Variants in TJP1 observed in about 807,000 individuals in gnomAD.
The protein encoded by TJP1 is tight junction protein 1.
TJP1 carries 43 observed loss-of-function variants against 194.2 expected under a neutral mutation model. The observed-to-expected ratio is 0.22, with a 90% CI of 0.17 to 0.29. The LOEUF is 0.29. TJP1 is among the 10% of genes least tolerant of loss of function. The pLI, the probability that TJP1 is intolerant of heterozygous loss-of-function variation, is 1.00. For synonymous variants in TJP1, 801 were observed against 779.0 expected (o/e 1.03, Z -0.47); for missense variants, 1,971 against 2,185.7 (o/e 0.90, Z 1.96).
intron 2 of TJP1, among the ~76,000 whole-genome samples, chr15:29,785,583 T>A (rs932795318): frequency 6.6e-6 from 1 of 152,230 alleles, no homozygotes; most frequent in Non-Finnish European, 1.5e-5. Context: ...CTATTGAATA[T>A]GCCCAATTAC....
At position 29,718,645 on chromosome 15, in the gene TJP1, T is replaced by G. The variant is rs2042727387; in HGVS notation, c.3497A>C (p.Asp1166Ala). Residue 1166 changes from aspartate (D) to alanine (A), a missense_variant, in exon 21 of 28, where the codon GAC (aspartate) becomes GCC (alanine). Coordinates refer to ENST00000614355, the MANE Select transcript of TJP1 (RefSeq NM_001330239.4). ...TTCCGGTCTGAGTCTACCATGTGTGTCATACCCAGGAGCTGGCTGCTCTTC... is the reference window on the plus strand; with the variant it reads ...TTCCGGTCTGAGTCTACCATGTGTGGCATACCCAGGAGCTGGCTGCTCTTC... ...RHEEQPAPGY[D>A]THGRLRPEAQ... The G allele has an allele frequency of 6.2e-7, 1 of 1,614,056 alleles. No homozygotes were observed. The highest frequency in any genetic ancestry group is 8.5e-7 in the Non-Finnish European group (1 of 1,180,040).
At chr15:29,862,842 G>A (rs1417548988) in intron 2 of TJP1, among the ~76,000 whole-genome samples, 3 of 151,100 alleles carry the variant, frequency 2.0e-5, no homozygotes, top group East Asian at 2.0e-4. Flanking sequence ...TAGAGACGGG[G>A]TTTCACCGTG....
At chr15:29,949,994 A>T (rs111207242) in intron 2 of TJP1, among the ~76,000 whole-genome samples, 23 of 33,172 alleles carry the variant, frequency 6.9e-4, no homozygotes, top group African/African-American at 8.2e-4. Flanking sequence ...CACCTCCACC[A>T]CCACCACCTC....
At chr15:29,760,827 C>T (rs1168824961) in intron 8 of TJP1, among the ~76,000 whole-genome samples, 1 of 152,184 alleles carries the variant, frequency 6.6e-6, no homozygotes, top group Non-Finnish European at 1.5e-5. Flanking sequence ...TGCGGATCAA[C>T]CGCTTTTGTA....
At chr15:29,703,668 G>A (rs1045656819) in intron 27 of TJP1, among the ~76,000 whole-genome samples, 3 of 151,640 alleles carry the variant, frequency 2.0e-5, no homozygotes, top group Non-Finnish European at 4.4e-5. Context: ...TTTTTGAGAC[G>A]GTCTCGCTCT....
In TJP1 at chr15:29,761,147, G is replaced by C. The variant is rs2045976655; in HGVS notation, c.1002C>G (p.Ser334Arg). The C allele has an allele frequency of 6.3e-7, 1 of 1,596,470 alleles. No individual in the cohort carries two copies. The highest frequency in any genetic ancestry group is 8.5e-7 in the Non-Finnish European group (1 of 1,171,312). Residue 334 changes from serine to arginine, a missense_variant, in exon 8 of 28, where the codon AGC becomes AGG. This residue lies in a region of TJP1 where 192 missense variants were observed against 182.3 expected (regional missense o/e 1.05). Transcript: ENST00000614355. Reference protein sequence around the residue: ...DHSRHSPQQPSNGSLRSRDEE... With the variant: ...DHSRHSPQQPRNGSLRSRDEE... ...AAAATAGGGTGTCTTACCTGCCATT[G>C]CTTGGCTGCTGCGGCGAGTGCCTGG...
intron 11 of TJP1, 145 bp from the exon 12 acceptor site, chr15:29,734,527 AG>A (rs2043896459): frequency 1.7e-6 from 1 of 580,474 alleles, no homozygotes. Context: ...TCTGTCGCCC[AG>A]GCTGGAGTGC....
intron 8 of TJP1, among the ~76,000 whole-genome samples, chr15:29,752,839 C>T (rs2045376855): frequency 1.3e-5 from 2 of 152,134 alleles, no homozygotes; most frequent in Non-Finnish European, 2.9e-5. Flanking sequence ...CTTGGATCTC[C>T]AAATCACTTT....
At chr15:29,962,239 C>T (rs778960479) in intron 1 of TJP1, among the ~76,000 whole-genome samples, 1 of 152,164 alleles carries the variant, frequency 6.6e-6, no homozygotes, top group Non-Finnish European at 1.5e-5. Context: ...TTCTACTCCC[C>T]ATCCTTGAAA....
chr15:29,760,412 G>A (rs903505475), intron 8 of TJP1: 3 of 601,416 alleles, frequency 5.0e-6, no homozygotes, highest in Non-Finnish European at 6.0e-6. Flanking sequence ...GTTCCGCTCT[G>A]TCACCAAGGC....
At chr15:29,904,851 CAG>C (rs1240248319) in intron 2 of TJP1, among the ~76,000 whole-genome samples, 1 of 152,088 alleles carries the variant, frequency 6.6e-6, no homozygotes, top group Non-Finnish European at 1.5e-5. Context: ...AGAGGACAGA[CAG>C]AGATACACAG....
intron 2 of TJP1, among the ~76,000 whole-genome samples, chr15:29,955,749 T>C (rs2055910116): frequency 1.5e-5 from 1 of 65,888 alleles, no homozygotes; most frequent in Non-Finnish European, 2.8e-5. Context: ...AGACCCTGGC[T>C]CTTTAAAAAA....
At chr15:29,777,648 G>A (rs1202786507) in intron 2 of TJP1, among the ~76,000 whole-genome samples, 1 of 152,082 alleles carries the variant, frequency 6.6e-6, no homozygotes, top group Non-Finnish European at 1.5e-5. Context: ...TACTACTGAT[G>A]GGCACACAAA....
intron 1 of TJP1, among the ~76,000 whole-genome samples, chr15:29,813,711 T>C (rs2049698081): frequency 6.6e-6 from 1 of 152,150 alleles, no homozygotes; most frequent in South Asian, 2.1e-4. Flanking sequence ...AGGGAGGATA[T>C]GACCCAGAAA....
At chr15:29,750,385 C>T (rs555928090) in intron 8 of TJP1, among the ~76,000 whole-genome samples, 29 of 152,106 alleles carry the variant, frequency 1.9e-4, no homozygotes, top group Non-Finnish European at 2.1e-4. Flanking sequence ...GCAATCTGCT[C>T]GCCTCGGCCT....
intron 2 of TJP1, among the ~76,000 whole-genome samples, chr15:29,841,003 TC>T (rs2051205268): frequency 6.6e-6 from 1 of 152,122 alleles, no homozygotes; most frequent in Non-Finnish European, 1.5e-5. Flanking sequence ...GAATAAGAGT[TC>T]CTGCATTTCA....
chr15:29,885,649 G>T (rs1227856582), intron 2 of TJP1, among the ~76,000 whole-genome samples: 1 of 152,174 alleles, frequency 6.6e-6, no homozygotes, highest in African/African-American at 2.4e-5. Context: ...AGAAGCAGGG[G>T]AAAGAAAACA....
At chr15:29,929,846 T>C (rs1426317734) in intron 2 of TJP1, among the ~76,000 whole-genome samples, 1 of 151,944 alleles carries the variant, frequency 6.6e-6, no homozygotes, top group East Asian at 1.9e-4. Flanking sequence ...AACTGAAAGC[T>C]GCCTTTTTGA....
At chr15:29,912,373 A>AT (rs1382527877) in intron 2 of TJP1, among the ~76,000 whole-genome samples, 1 of 152,230 alleles carries the variant, frequency 6.6e-6, no homozygotes, top group Admixed American at 6.5e-5. Flanking sequence ...ACCACACAAA[A>AT]TTATGTTAAT....
Sources: allele counts gnomAD v4.1 joint callset (sites outside exome capture counted in the v4.1 genomes callset), GRCh38; gene constraint gnomAD v4.1.1; regional missense constraint gnomAD v4.1.1; transcripts MANE v1.5; gene names NCBI Gene and HGNC (gene_info 2026-07-23, HGNC 2026-07-21).